Variants in AFAP1L2 observed in about 807,000 individuals in gnomAD.
The protein encoded by AFAP1L2 is actin filament associated protein 1 like 2, also known as actin filament-associated protein 1-like 2.
In AFAP1L2, 46 loss-of-function variants were observed where a neutral mutation model predicts 99.3. The ratio of observed to expected loss-of-function variants is 0.46; its 90% CI spans 0.37 to 0.59. The LOEUF (loss-of-function observed/expected upper bound fraction) is 0.59, where lower values mean the gene tolerates loss of function less well. Among genes scored for constraint, AFAP1L2 ranks in the 20% least tolerant of loss-of-function variants. The pLI, the probability that AFAP1L2 is intolerant of heterozygous loss-of-function variation, is 0.00. For synonymous variants in AFAP1L2, 397 were observed against 419.1 expected, an observed-to-expected ratio of 0.95 and a Z score of 0.64; for missense variants, 959 against 1,034.9, an observed-to-expected ratio of 0.93 and a Z score of 1.01.
chr10:114,296,959 G>T lies in AFAP1L2; in HGVS notation c.2430+19C>A. ...GACATTTCTGCTGGCCCCAAGGGAG[G>T]CTGGGAGTGACTGCTTACCTTGGCT... is the stretch of plus-strand genomic sequence containing the variant. On this transcript the variant is annotated intron_variant, in intron 18 of 18. Coordinates refer to ENST00000304129, the MANE Select transcript of AFAP1L2 (RefSeq NM_001001936.3). 2 of 1,614,042 alleles carry T rather than the reference G, an allele frequency of 1.2e-6. No individual in the cohort carries two copies. The highest frequency in any genetic ancestry group is 1.7e-6 in the Non-Finnish European group (2 of 1,179,980).
At chr10:114,298,451 C>G (rs2040597632) in intron 16 of AFAP1L2, among the ~76,000 whole-genome samples, 1 of 152,160 alleles carries the variant, frequency 6.6e-6, no homozygotes, top group Admixed American at 6.5e-5. Context: ...GTCCTCAAAC[C>G]TGCACCGCTG....
intron 1 of AFAP1L2, among the ~76,000 whole-genome samples, chr10:114,352,872 A>G (rs751225649): frequency 2.6e-5 from 4 of 152,196 alleles, no homozygotes; most frequent in Non-Finnish European, 5.9e-5. Context: ...CACTATCAAC[A>G]TTGCCCTAGA....
Position 114,314,881 on chromosome 10 carries a change from G to A in AFAP1L2, c.612+679C>T, listed in dbSNP as rs150490608. Among the ~76,000 whole-genome samples, 1,381 of 152,204 alleles carry A rather than the reference G, an allele frequency of 9.1e-3. 18 individuals are homozygous for A. The highest frequency in any genetic ancestry group is 0.032 in the African/African-American group (1,320 of 41,534). On this transcript the variant is annotated intron_variant, in intron 6 of 18. Transcript: ENST00000304129. Reference sequence around the variant, plus strand: ...GCCAGGGCTGGGCGCAGTGGCTCACGCCTGTAAACCCAGCACTTTGGGAGG... The same window carrying A: ...GCCAGGGCTGGGCGCAGTGGCTCACACCTGTAAACCCAGCACTTTGGGAGG...
intron 1 of AFAP1L2, among the ~76,000 whole-genome samples, chr10:114,393,021 G>A (rs540231162): frequency 9.2e-5 from 14 of 152,184 alleles, no homozygotes; most frequent in African/African-American, 2.4e-4. Context: ...CCCCCAACAC[G>A]CATGTGCCCC....
chr10:114,376,954 A>G (rs1048301180), intron 1 of AFAP1L2, among the ~76,000 whole-genome samples: 1 of 152,200 alleles, frequency 6.6e-6, no homozygotes, highest in Non-Finnish European at 1.5e-5. Context: ...AAGATGGAGT[A>G]GAGACCCCAG....
At chr10:114,363,150 C>A in intron 1 of AFAP1L2, 1 of 985,406 alleles carries the variant, frequency 1.0e-6, no homozygotes, top group Non-Finnish European at 1.2e-6. Flanking sequence ...AACACATAAG[C>A]AGCAAACTGG....
chr10:114,325,863 A>G, intron 4 of AFAP1L2: 3 of 1,280,132 alleles, frequency 2.3e-6, no homozygotes, highest in South Asian at 1.2e-5. Flanking sequence ...TAGGGTCCAC[A>G]GGGAAAGGGT....
rs142903756 is a variant in AFAP1L2, at chr10:114,302,400, A to G, written c.1369T>C (p.Tyr457His). 1.9e-6 allele frequency: 3 copies of G among 1,614,084 alleles called. No homozygotes were observed. The highest frequency in any genetic ancestry group is 2.5e-6 in the Non-Finnish European group (3 of 1,180,048). The change falls in exon 12 of 19, where the codon TAC (tyrosine) becomes CAC (histidine). Residue 457 changes from tyrosine to histidine, a missense_variant. By Grantham distance (83) the Tyr-to-His change is moderately conservative. This residue lies in a region of AFAP1L2 where 576 missense variants were observed against 562.1 expected (regional missense o/e 1.02). Transcript: ENST00000304129. ...GSKTDPEEFT[Y>H]DYVDADRVSC... ...ACCCTATCGGCATCCACATAGTCGTAGGTGAACTCTTCTGGGTCTGTCTTG... is the reference window on the plus strand; with the variant it reads ...ACCCTATCGGCATCCACATAGTCGTGGGTGAACTCTTCTGGGTCTGTCTTG...
At chr10:114,299,524 T>C (rs1347731896) in intron 15 of AFAP1L2, 109 bp from the exon 16 acceptor site, 12 of 1,381,844 alleles carry the variant, frequency 8.7e-6, no homozygotes, top group Non-Finnish European at 9.8e-6. Flanking sequence ...CACAAAGCCC[T>C]GCTAGGCTGG....
chr10:114,367,602 G>A (rs2053470792), intron 1 of AFAP1L2, among the ~76,000 whole-genome samples: 1 of 152,228 alleles, frequency 6.6e-6, no homozygotes, highest in Non-Finnish European at 1.5e-5. Context: ...ACAGGGGACT[G>A]AGGCCCAGCT....
chr10:114,312,046 A>C (rs2043323027), intron 7 of AFAP1L2, among the ~76,000 whole-genome samples: 1 of 152,132 alleles, frequency 6.6e-6, no homozygotes, highest in African/African-American at 2.4e-5. Context: ...CTCTCTGTGG[A>C]GGCTGGACAC....
In AFAP1L2 at chr10:114,373,225, A is replaced by T. The variant is rs964690388; in HGVS notation, c.16+31215T>A. On this transcript the variant is annotated intron_variant, in intron 1 of 18. Transcript: ENST00000304129. ...GCCGCTGCACTCCAGCCTGTGTGGCAGTGAGACCCTGTCTCAAATTTTTAA... is the reference window on the plus strand; with the variant it reads ...GCCGCTGCACTCCAGCCTGTGTGGCTGTGAGACCCTGTCTCAAATTTTTAA... Among the ~76,000 whole-genome samples the T allele has an allele frequency of 3.0e-4, 46 of 152,312 alleles. 3 individuals carry two copies. The highest frequency in any genetic ancestry group is 2.9e-3 in the Admixed American group (44 of 15,304).
At chr10:114,290,413 G>A (rs568182989), downstream of AFAP1L2, 419 of 1,544,234 alleles carry the variant, frequency 2.7e-4, no homozygotes, top group Non-Finnish European at 3.5e-4. Context: ...ATGGTATTGC[G>A]AGTCCTGCCA....
chr10:114,302,537 C>A, intron 11 of AFAP1L2, 53 bp from the exon 12 acceptor site: 1 of 1,606,036 alleles, frequency 6.2e-7, no homozygotes, highest in Non-Finnish European at 8.5e-7. Flanking sequence ...CTGCCTGGTG[C>A]CAGCCCCTCC....
the AFAP1L2 span, chr10:114,285,060 G>A: frequency 9.4e-7 from 1 of 1,063,362 alleles, no homozygotes; most frequent in South Asian, 1.8e-5. Flanking sequence ...CCAGCTGCTG[G>A]GTAGAAACTG....
At chr10:114,287,699 A>C in the AFAP1L2 span, among the ~76,000 whole-genome samples, 1 of 152,200 alleles carries the variant, frequency 6.6e-6, no homozygotes, top group African/African-American at 2.4e-5. Context: ...TTTTTAAAAA[A>C]AATAATAGTT....
At chr10:114,379,459 A>T (rs1205158213) in intron 1 of AFAP1L2, among the ~76,000 whole-genome samples, 3 of 152,196 alleles carry the variant, frequency 2.0e-5, no homozygotes, top group African/African-American at 7.2e-5. Context: ...CCATGATAAA[A>T]AATAATAATA....
At chr10:114,292,762 G>A (rs2039719208), downstream of AFAP1L2, among the ~76,000 whole-genome samples, 1 of 152,000 alleles carries the variant, frequency 6.6e-6, no homozygotes, top group Admixed American at 6.6e-5. Context: ...CTAGAGTGCA[G>A]TGGTACAATC....
rs2055874875 is a variant in AFAP1L2 at position 114,382,823 on chromosome 10, G to A, written c.16+21617C>T. Among the ~76,000 whole-genome samples the A allele has an allele frequency of 2.6e-5, 4 of 152,142 alleles. No homozygotes were observed. The South Asian group carries it at 8.3e-4, about 32-fold the overall frequency. Reference sequence around the variant, plus strand: ...TTGGTTAGGCTGGTCTCAAACTCCTGACCTCAGGTGATCCGCTCGCCTCAG... The same window carrying A: ...TTGGTTAGGCTGGTCTCAAACTCCTAACCTCAGGTGATCCGCTCGCCTCAG... On this transcript the variant is annotated intron_variant, in intron 1 of 18. Transcript: ENST00000304129.
Sources: allele counts gnomAD v4.1 joint callset (sites outside exome capture counted in the v4.1 genomes callset), GRCh38; gene constraint gnomAD v4.1.1; regional missense constraint gnomAD v4.1.1; transcripts MANE v1.5; gene names NCBI Gene and HGNC (gene_info 2026-07-23, HGNC 2026-07-21).